Variants in EHBP1 observed in about 807,000 individuals in gnomAD.
The protein encoded by EHBP1 is EH domain-binding protein 1.
Under a neutral mutation model 144.0 loss-of-function variants are expected in EHBP1, and 55 were observed. The ratio of observed to expected loss-of-function variants is 0.38; its 90% CI spans 0.31 to 0.48. The LOEUF is 0.48. Ranked by LOEUF, EHBP1 falls within the 20% of genes least tolerant of loss-of-function variation. The pLI is 0.98. For synonymous variants in EHBP1, 469 were observed against 472.7 expected, an observed-to-expected ratio of 0.99 and a Z score of 0.10; for missense variants, 1,200 against 1,364.2, an observed-to-expected ratio of 0.88 and a Z score of 1.90.
intron 3 of EHBP1, among the ~76,000 whole-genome samples, chr2:62,762,287 C>A (rs1340534170): frequency 6.6e-6 from 1 of 152,146 alleles, no homozygotes; most frequent in African/African-American, 2.4e-5. Context: ...ATTTTCTTGA[C>A]CTGTTTAATG....
chr2:62,903,369 T>C (rs898509461), intron 10 of EHBP1, among the ~76,000 whole-genome samples: 3 of 152,164 alleles, frequency 2.0e-5, no homozygotes, highest in Non-Finnish European at 4.4e-5. Context: ...TTTTAAAATA[T>C]GTAAAGGAAT....
intron 4 of EHBP1, among the ~76,000 whole-genome samples, chr2:62,766,958 TAA>T (rs774238457): frequency 1.1e-3 from 118 of 105,798 alleles, no homozygotes; most frequent in East Asian, 3.2e-3. Context: ...TGTGCTTCAT[TAA>T]AAAAAAAAAA....
At chr2:62,838,156 C>A (rs953083307) in intron 7 of EHBP1, among the ~76,000 whole-genome samples, 4 of 151,762 alleles carry the variant, frequency 2.6e-5, no homozygotes, top group African/African-American at 9.7e-5. Flanking sequence ...GACCACAGTG[C>A]AATCAAACTA....
chr2:62,843,712 G>C (rs940172753), intron 7 of EHBP1, among the ~76,000 whole-genome samples: 3 of 151,996 alleles, frequency 2.0e-5, no homozygotes, highest in Non-Finnish European at 2.9e-5. Context: ...GCAACAGCAC[G>C]ACCACTTTAA....
rs1468085055 is a variant in EHBP1, at chr2:62,816,237, G to T, written c.313-9850G>T. Among the ~76,000 whole-genome samples the T allele has an allele frequency of 2.0e-5, 3 of 152,160 alleles. No individual in the cohort carries two copies. In the South Asian group the frequency reaches 6.2e-4, roughly 31 times the overall value. On this transcript the variant is annotated intron_variant, in intron 5 of 22. Coordinates refer to ENST00000431489, the MANE Select transcript of EHBP1 (RefSeq NM_001142616.3). The stretch of plus-strand genomic sequence containing the variant: ...CAAACCAGACTTTAAAGAGACTTTA[G>T]AGAGAGATAAAGACATTGAAGAGAT...
intron 2 of EHBP1, among the ~76,000 whole-genome samples, chr2:62,713,590 T>A (rs2035372952): frequency 6.6e-6 from 1 of 152,242 alleles, no homozygotes; most frequent in South Asian, 2.1e-4. Flanking sequence ...GGGCAGAAGG[T>A]TAGATGACTG....
chr2:62,958,978 C>A (rs1328827477), intron 14 of EHBP1, among the ~76,000 whole-genome samples: 2 of 152,176 alleles, frequency 1.3e-5, no homozygotes, highest in Non-Finnish European at 2.9e-5. Context: ...GTCTGCATTA[C>A]TTATTCATGT....
At chr2:62,890,685 C>T (rs2052384461) in intron 10 of EHBP1, among the ~76,000 whole-genome samples, 1 of 152,138 alleles carries the variant, frequency 6.6e-6, no homozygotes, top group African/African-American at 2.4e-5. Context: ...CGTCTGCATA[C>T]AGGGATAGTA....
intron 10 of EHBP1, among the ~76,000 whole-genome samples, chr2:62,939,763 G>C (rs1426819239): frequency 6.6e-6 from 1 of 152,070 alleles, no homozygotes; most frequent in Non-Finnish European, 1.5e-5. Context: ...AATGTGCAAA[G>C]GCCCCAAGGT....
At chr2:62,996,495 G>T in intron 18 of EHBP1, 148 bp from the exon 19 acceptor site, 1 of 879,672 alleles carries the variant, frequency 1.1e-6, no homozygotes, top group Non-Finnish European at 1.7e-6. Flanking sequence ...AAAATTTTTT[G>T]AATCACAGAG....
intron 9 of EHBP1, 108 bp from the exon 10 acceptor site, chr2:62,874,238 G>A (rs2050702854): frequency 2.5e-6 from 2 of 799,638 alleles, no homozygotes; most frequent in Admixed American, 6.3e-5. Context: ...ACTGGTTTGG[G>A]TTTTATTTGA....
intron 19 of EHBP1, among the ~76,000 whole-genome samples, 153 bp downstream of exon 19, chr2:62,996,919 C>A (rs750470130): frequency 4.9e-4 from 74 of 152,064 alleles, no homozygotes; most frequent in Non-Finnish European, 9.9e-4. Flanking sequence ...CCTCTCTGGG[C>A]CCTGGTGATA....
chr2:62,851,178 T>C (rs1371957799), intron 7 of EHBP1, among the ~76,000 whole-genome samples: 1 of 152,238 alleles, frequency 6.6e-6, no homozygotes, highest in Non-Finnish European at 1.5e-5. Context: ...TGCCACCATG[T>C]TGCTGCTGGA....
At chr2:62,822,929 A>G (rs184586524) in intron 5 of EHBP1, among the ~76,000 whole-genome samples, 15 of 152,308 alleles carry the variant, frequency 9.8e-5, no homozygotes, top group Admixed American at 9.2e-4. Context: ...GAGAATAGTT[A>G]TGAAAAATAA....
chr2:62,807,187 A>G (rs749917662), intron 5 of EHBP1, among the ~76,000 whole-genome samples: 17 of 152,262 alleles, frequency 1.1e-4, no homozygotes, highest in Non-Finnish European at 1.9e-4. Context: ...ACGCATAACA[A>G]TACGTGATCT....
intron 2 of EHBP1, among the ~76,000 whole-genome samples, chr2:62,719,592 G>T (rs1218313885): frequency 6.6e-6 from 1 of 152,122 alleles, no homozygotes; most frequent in Non-Finnish European, 1.5e-5. Flanking sequence ...CTGTATCTAT[G>T]GGTTCTGCAT....
chr2:62,966,437 T>C (rs2153156510), intron 14 of EHBP1, among the ~76,000 whole-genome samples: 1 of 152,304 alleles, frequency 6.6e-6, no homozygotes, highest in East Asian at 1.9e-4. Context: ...GTACCTTTTA[T>C]ACATTTTAAA....
chr2:62,819,414 T>C (rs1426026758), intron 5 of EHBP1, among the ~76,000 whole-genome samples: 3 of 152,164 alleles, frequency 2.0e-5, no homozygotes, highest in Non-Finnish European at 2.9e-5. Flanking sequence ...TTATTGTGCA[T>C]GTGTACCAGG....
At chr2:62,689,830 G>T (rs917719127) in intron 1 of EHBP1, among the ~76,000 whole-genome samples, 2 of 152,092 alleles carry the variant, frequency 1.3e-5, no homozygotes, top group African/African-American at 4.8e-5. Context: ...TGACGTTTTA[G>T]TCCTTAATGG....
Sources: gnomAD v4.1 joint callset for allele counts (sites outside exome capture counted in the v4.1 genomes callset) on GRCh38, gnomAD v4.1.1 for gene constraint, MANE v1.5 for transcripts, NCBI Gene and HGNC (gene_info 2026-07-23, HGNC 2026-07-21) for gene names.